The following PPFIBP2 variants were observed in gnomAD, a reference collection of about 807,000 sequenced individuals.
PPFIBP2 encodes the protein PPFIB scaffold protein 2.
PPFIBP2 carries 118 observed loss-of-function variants against 118.3 expected under a neutral mutation model. The observed-to-expected ratio is 1.00, with a 90% CI of 0.86 to 1.16. The LOEUF is 1.16. Among genes scored for constraint, PPFIBP2 ranks in the 50% most tolerant of loss-of-function variants. The probability of loss-of-function intolerance (pLI) is 0.00; values close to 1 mark genes in which losing one functional copy is unlikely to be tolerated. For synonymous variants in PPFIBP2, 414 were observed against 397.4 expected (o/e 1.04, Z -0.50); for missense variants, 1,195 against 1,073.1 (o/e 1.11, Z -1.59).
At chr11:7,605,810 C>G in intron 5 of PPFIBP2, 1 of 1,374,128 alleles carries the variant, frequency 7.3e-7, no homozygotes. Flanking sequence ...GAGAGAATTT[C>G]AGAGCTGAAG....
intron 16 of PPFIBP2, 95 bp from the exon 17 acceptor site, chr11:7,642,203 G>A: frequency 2.7e-6 from 4 of 1,475,164 alleles, no homozygotes; most frequent in Admixed American, 1.8e-5. Context: ...GAGAGTCCCT[G>A]TGCTGGCCTG....
At chr11:7,555,417 C>A (rs1391864978) in intron 2 of PPFIBP2, among the ~76,000 whole-genome samples, 1 of 152,200 alleles carries the variant, frequency 6.6e-6, no homozygotes, top group Non-Finnish European at 1.5e-5. Context: ...AGAGAAAGTT[C>A]TGATCAAGAC....
rs753000578 is a variant in PPFIBP2 at position 7,632,950 on chromosome 11, A to G, written c.1136+16A>G. The G allele has an allele frequency of 6.2e-7, 1 of 1,608,684 alleles. No individual in the cohort carries two copies. The highest frequency in any genetic ancestry group is 1.1e-5 in the South Asian group (1 of 90,908). On this transcript the variant is annotated intron_variant, in intron 12 of 23. Coordinates refer to ENST00000299492, the MANE Select transcript of PPFIBP2 (RefSeq NM_003621.5). ...TGGAAACCAGGTAAGAGGCCTGGGC[A>G]TTTCCCCACAGCCACTGTGCTCTCA...
chr11:7,665,881 G>C, the PPFIBP2 span: 1 of 1,536,150 alleles, frequency 6.5e-7, no homozygotes, highest in Non-Finnish European at 8.7e-7. Context: ...GTGTGGCCTG[G>C]TGTTAGTGGA....
At chr11:7,660,849 T>C (rs1854875360), downstream of PPFIBP2, among the ~76,000 whole-genome samples, 3 of 151,942 alleles carry the variant, frequency 2.0e-5, no homozygotes, top group Admixed American at 6.5e-5. Flanking sequence ...CATTCAGAGA[T>C]TCAACTTCTT....
chr11:7,651,171 ACCT>A, intron 22 of PPFIBP2: 1 of 495,484 alleles, frequency 2.0e-6, no homozygotes, highest in Non-Finnish European at 3.5e-6. Context: ...TTCTGGCAGC[ACCT>A]CCTTGGCATG....
At position 7,651,664 on chromosome 11, in the gene PPFIBP2, GC is replaced by G. The variant is rs2136025757; in HGVS notation, c.2258del (p.Pro753HisfsTer25). On this transcript the variant is annotated frameshift_variant, in exon 23 of 24. Coordinates refer to ENST00000299492, the MANE Select transcript of PPFIBP2 (RefSeq NM_003621.5). LOFTEE classifies it high-confidence loss of function. ...CTCTGGTTCCTTCTTAGATCCTGGA[GC>G]CACGCTTCACTGGGGACACCCTGGC... ...GVHGGLIILEPRFTGDTLAML... is the reference protein window; with the variant it reads ...GVHGGLIILEXRFTGDTLAML... 6.2e-7 allele frequency: 1 copy of G among 1,605,964 alleles called. No homozygotes were observed. The highest frequency in any genetic ancestry group is 8.5e-7 in the Non-Finnish European group (1 of 1,173,880).
the PPFIBP2 span, among the ~76,000 whole-genome samples, chr11:7,664,383 C>T: frequency 1.3e-5 from 2 of 152,276 alleles, no homozygotes; most frequent in South Asian, 2.1e-4. Context: ...GGCCTCTGTG[C>T]TGCTGTCACT....
chr11:7,666,248 C>T, the PPFIBP2 span: 20 of 594,898 alleles, frequency 3.4e-5, no homozygotes, highest in Non-Finnish European at 5.4e-5. Flanking sequence ...TAGACACCTG[C>T]TCTCGATTGC....
chr11:7,665,374 T>TTTG, the PPFIBP2 span: 4 of 1,558,792 alleles, frequency 2.6e-6, no homozygotes, highest in Non-Finnish European at 3.5e-6. Context: ...CGTGGAGGTG[T>TTTG]TAGTAGGTGA....
At chr11:7,637,430 G>A (rs1341057231) in intron 14 of PPFIBP2, among the ~76,000 whole-genome samples, 2 of 152,142 alleles carry the variant, frequency 1.3e-5, no homozygotes, top group Non-Finnish European at 2.9e-5. Flanking sequence ...TTATTTCCTG[G>A]CAAACCTGAG....
chr11:7,589,842 C>A (rs1367333897), intron 3 of PPFIBP2, among the ~76,000 whole-genome samples: 1 of 152,204 alleles, frequency 6.6e-6, no homozygotes, highest in Admixed American at 6.5e-5. Context: ...CTTCTATTTG[C>A]AATTCCACTA....
rs1329904827 is a variant in PPFIBP2 at position 7,610,184 on chromosome 11, G to T, written c.487-107G>T. ...TCTCATGTAGCAGTCTCAATTCTGTGTTGTTGAACACACAACTTAGGTGTT... is the reference window on the plus strand; with the variant it reads ...TCTCATGTAGCAGTCTCAATTCTGTTTTGTTGAACACACAACTTAGGTGTT... On this transcript the variant is annotated intron_variant, in intron 5 of 23. Transcript: ENST00000299492. 7 of 1,367,506 alleles carry T rather than the reference G, an allele frequency of 5.1e-6. No homozygotes were observed. The African/African-American group carries it at 8.6e-5, about 17-fold the overall frequency. The allele number at this position is 1,367,506 out of a possible 1,614,324, so 84.7% of individuals were successfully genotyped here. A position where few individuals can be genotyped will look rare whatever the true frequency, so the allele number is the denominator to read the frequency against.
At chr11:7,543,372 G>A (rs966182963) in intron 1 of PPFIBP2, among the ~76,000 whole-genome samples, 8 of 152,242 alleles carry the variant, frequency 5.3e-5, no homozygotes, top group African/African-American at 1.7e-4. Context: ...GGGGAAGGGA[G>A]AGGTAGGAAA....
chr11:7,536,348 G>A (rs371779576), intron 1 of PPFIBP2, among the ~76,000 whole-genome samples: 76 of 152,276 alleles, frequency 5.0e-4, no homozygotes, highest in African/African-American at 1.8e-3. Context: ...GAGGTAGGCA[G>A]TGGGGCTCTG....
intron 3 of PPFIBP2, among the ~76,000 whole-genome samples, chr11:7,568,035 A>G (rs1483882402): frequency 1.3e-5 from 2 of 152,234 alleles, no homozygotes; most frequent in Non-Finnish European, 2.9e-5. Context: ...GCGCCTTCTC[A>G]TGCATGATGT....
At chr11:7,537,638 C>T (rs117530803) in intron 1 of PPFIBP2, among the ~76,000 whole-genome samples, 11 of 152,180 alleles carry the variant, frequency 7.2e-5, no homozygotes, top group Admixed American at 1.3e-4. Flanking sequence ...GCCTCCTCTC[C>T]GAAAGTTCTC....
Position 7,653,581 on chromosome 11 carries a change from C to T in PPFIBP2, c.*363C>T, listed in dbSNP as rs1241631264. On this transcript the variant is annotated 3_prime_UTR_variant, in exon 24 of 24. Coordinates refer to ENST00000299492, the MANE Select transcript of PPFIBP2 (RefSeq NM_003621.5). ...ACGAGGCTCAGCTCTCAGGCACCCCCTACACTTCAGTTGAGGGAAAAGCTC... is the reference window on the plus strand; with the variant it reads ...ACGAGGCTCAGCTCTCAGGCACCCCTTACACTTCAGTTGAGGGAAAAGCTC... The T allele has an allele frequency of 7.7e-7, 1 of 1,305,222 alleles. No individual in the cohort carries two copies. The highest frequency in any genetic ancestry group is 5.2e-5 in the East Asian group (1 of 19,058). 80.9% of individuals were successfully genotyped at this position (1,305,222 alleles called of 1,614,324 possible).
chr11:7,620,251 G>A (rs1405829118), intron 6 of PPFIBP2, among the ~76,000 whole-genome samples: 1 of 152,014 alleles, frequency 6.6e-6, no homozygotes, highest in African/African-American at 2.4e-5. Flanking sequence ...CTTTACCTTA[G>A]GGCCTCACCT....
Sources: gnomAD v4.1 joint callset for allele counts (sites outside exome capture counted in the v4.1 genomes callset) on GRCh38, gnomAD v4.1.1 for gene constraint, MANE v1.5 for transcripts, NCBI Gene and HGNC (gene_info 2026-07-23, HGNC 2026-07-21) for gene names.